The following FOXP1 variants were observed in gnomAD, a reference collection of about 807,000 sequenced individuals.
FOXP1 encodes forkhead box protein P1.
A neutral mutation model predicts 98.2 loss-of-function variants in FOXP1; 15 were observed. That is an observed-to-expected ratio of 0.15 (90% confidence interval 0.10 to 0.24). FOXP1 has a LOEUF of 0.24. Among genes scored for constraint, FOXP1 ranks in the 10% least tolerant of loss-of-function variants. The probability of loss-of-function intolerance (pLI) is 1.00; values close to 1 mark genes in which losing one functional copy is unlikely to be tolerated. For synonymous variants in FOXP1, 371 were observed against 314.5 expected, an observed-to-expected ratio of 1.18 and a Z score of -1.90; for missense variants, 633 against 848.5, an observed-to-expected ratio of 0.75 and a Z score of 3.15.
At chr3:71,580,984 T>C (rs1159616756) in intron 2 of FOXP1, 1 of 985,274 alleles carries the variant, frequency 1.0e-6, no homozygotes, top group Non-Finnish European at 1.2e-6. Context: ...AGAAGTGGAC[T>C]GCATAAGGTC....
At chr3:71,339,955 G>A (rs538703726) in intron 4 of FOXP1, among the ~76,000 whole-genome samples, 90 of 152,236 alleles carry the variant, frequency 5.9e-4, no homozygotes, top group South Asian at 1.2e-3. Flanking sequence ...ATATACAGTC[G>A]TGGCTAAACT....
At chr3:71,501,240 T>C (rs981608639) in intron 2 of FOXP1, among the ~76,000 whole-genome samples, 2 of 151,906 alleles carry the variant, frequency 1.3e-5, no homozygotes, top group South Asian at 4.2e-4. Flanking sequence ...TCAGGTATTT[T>C]ACTACAGAGT....
At chr3:71,417,251 C>A (rs1473857757) in intron 3 of FOXP1, among the ~76,000 whole-genome samples, 1 of 152,190 alleles carries the variant, frequency 6.6e-6, no homozygotes, top group South Asian at 2.1e-4. Context: ...CATTTTGAGT[C>A]CCCACCTCAC....
intron 5 of FOXP1, among the ~76,000 whole-genome samples, chr3:71,244,331 C>T (rs186926412): frequency 9.9e-5 from 15 of 152,180 alleles, no homozygotes; most frequent in Middle Eastern, 3.4e-3. Flanking sequence ...ATCTCTCCCC[C>T]CTCTTTTAGG....
chr3:71,305,936 AG>A (rs1226804442), intron 4 of FOXP1: 1 of 152,672 alleles, frequency 6.5e-6, no homozygotes, highest in Non-Finnish European at 1.5e-5. Context: ...ACACAACGGA[AG>A]AAAGTTGAGA....
chr3:71,509,625 A>G (rs972826790), intron 2 of FOXP1, among the ~76,000 whole-genome samples: 1 of 152,132 alleles, frequency 6.6e-6, no homozygotes, highest in African/African-American at 2.4e-5. Context: ...CCAAATTAAG[A>G]ATCAGTTATG....
chr3:71,477,617 T>C (rs2089958211), intron 3 of FOXP1, among the ~76,000 whole-genome samples: 1 of 152,242 alleles, frequency 6.6e-6, no homozygotes, highest in African/African-American at 2.4e-5. Flanking sequence ...AACCCTTGAT[T>C]TCTATTTCTC....
At chr3:71,451,200 G>C (rs1340540297) in intron 3 of FOXP1, among the ~76,000 whole-genome samples, 1 of 152,186 alleles carries the variant, frequency 6.6e-6, no homozygotes, top group Non-Finnish European at 1.5e-5. Context: ...ATGGACACAA[G>C]TATTGCCCAC....
intron 4 of FOXP1, among the ~76,000 whole-genome samples, chr3:71,354,327 C>T (rs1305132888): frequency 1.3e-5 from 2 of 151,854 alleles, no homozygotes; most frequent in Non-Finnish European, 2.9e-5. Context: ...ATTTAAGATG[C>T]CCTCTATTGC....
chr3:71,542,575 T>A (rs1489926868), intron 2 of FOXP1, among the ~76,000 whole-genome samples: 3 of 152,250 alleles, frequency 2.0e-5, no homozygotes, highest in Non-Finnish European at 4.4e-5. Context: ...GCAGCAGATG[T>A]TGGCTGTTAA....
chr3:71,539,172 C>T (rs13068499), intron 2 of FOXP1, among the ~76,000 whole-genome samples: 1,670 of 39,166 alleles, frequency 0.043, no homozygotes, highest in Middle Eastern at 0.087. Context: ...GGTGCAGTGG[C>T]GCAATCTTGG....
In FOXP1 at chr3:71,198,148, G is replaced by A. The variant is rs147220866; in HGVS notation, c.180+54C>T. On this transcript the variant is annotated intron_variant, in intron 6 of 20. Coordinates refer to ENST00000649528, the MANE Select transcript of FOXP1 (RefSeq NM_001349338.3). ...AGATCGCGATTAAGTGTAAAATTCA[G>A]CAGTAAAATTCGCACCCACCACCTC... 3,019 of 1,613,282 alleles carry A rather than the reference G, an allele frequency of 1.9e-3. 48 individuals carry two copies. In the African/African-American group the frequency reaches 0.034, roughly 18 times the overall value.
At chr3:71,165,317 G>A (rs1041639516) in intron 6 of FOXP1, among the ~76,000 whole-genome samples, 3 of 149,692 alleles carry the variant, frequency 2.0e-5, no homozygotes, top group Admixed American at 6.6e-5. Context: ...AGCAGCTCAC[G>A]AATGTTTTTG....
At chr3:70,972,798 C>A (rs1039825569) in intron 17 of FOXP1, 122 bp from the exon 18 acceptor site, 7 of 956,516 alleles carry the variant, frequency 7.3e-6, no homozygotes, top group East Asian at 2.6e-5. Flanking sequence ...GTAGCTACCA[C>A]CCCCGTGGAG....
At chr3:71,487,728 G>C (rs1030310059) in intron 3 of FOXP1, among the ~76,000 whole-genome samples, 1 of 152,190 alleles carries the variant, frequency 6.6e-6, no homozygotes, top group Non-Finnish European at 1.5e-5. Flanking sequence ...GTGAACGAAA[G>C]TCTGCCCAAT....
intron 8 of FOXP1, among the ~76,000 whole-genome samples, chr3:71,053,306 C>G (rs1308432771): frequency 1.3e-5 from 2 of 152,158 alleles, no homozygotes; most frequent in African/African-American, 4.8e-5. Context: ...CCACTCCCAA[C>G]GTGCTCCTCA....
At chr3:71,127,321 T>A (rs1482691218) in intron 6 of FOXP1, among the ~76,000 whole-genome samples, 1 of 152,218 alleles carries the variant, frequency 6.6e-6, no homozygotes, top group East Asian at 1.9e-4. Context: ...CCATAAGCAG[T>A]ACTGTATCTG....
chr3:71,314,539 A>ATT (rs1227502182), intron 4 of FOXP1, among the ~76,000 whole-genome samples: 1 of 150,312 alleles, frequency 6.7e-6, no homozygotes, highest in East Asian at 1.9e-4. Flanking sequence ...AAATATATAT[A>ATT]TATATATATA....
chr3:71,427,209 A>G (rs1044814416), intron 3 of FOXP1, among the ~76,000 whole-genome samples: 6 of 152,098 alleles, frequency 3.9e-5, no homozygotes, highest in Admixed American at 6.5e-5. Flanking sequence ...TCACCACCAT[A>G]TATCTAATAT....
Sources: allele counts gnomAD v4.1 joint callset (sites outside exome capture counted in the v4.1 genomes callset), GRCh38; gene constraint gnomAD v4.1.1; transcripts MANE v1.5; gene names NCBI Gene and HGNC (gene_info 2026-07-23, HGNC 2026-07-21).